Variants in NCAPG2 observed in about 807,000 individuals in gnomAD.
The protein encoded by NCAPG2 is non-SMC condensin II complex subunit G2.
Under a neutral mutation model 141.1 loss-of-function variants are expected in NCAPG2, and 53 were observed. The ratio of observed to expected loss-of-function variants is 0.38; its 90% CI spans 0.30 to 0.47. The LOEUF is 0.47. Ranked by LOEUF, NCAPG2 falls within the 20% of genes least tolerant of loss-of-function variation. The pLI, the probability that NCAPG2 is intolerant of heterozygous loss-of-function variation, is 0.99. For missense variants in NCAPG2, 1,087 were observed against 1,389.0 expected, an observed-to-expected ratio of 0.78 and a Z score of 3.46; for synonymous variants, 499 against 490.7, an observed-to-expected ratio of 1.02 and a Z score of -0.22.
chr7:158,667,431 G>A (rs1330750875), intron 13 of NCAPG2, among the ~76,000 whole-genome samples: 4 of 57,936 alleles, frequency 6.9e-5, no homozygotes, highest in African/African-American at 1.3e-4. Flanking sequence ...GGGTCCCTCC[G>A]CCCTCCTTAC....
At chr7:158,700,553 A>G (rs1203280770) in intron 2 of NCAPG2, among the ~76,000 whole-genome samples, 1 of 152,274 alleles carries the variant, frequency 6.6e-6, no homozygotes, top group Non-Finnish European at 1.5e-5. Flanking sequence ...CTACTGCTAA[A>G]GCAGACATTT....
At chr7:158,688,766 T>C (rs953225496) in intron 6 of NCAPG2, among the ~76,000 whole-genome samples, 18 of 152,232 alleles carry the variant, frequency 1.2e-4, no homozygotes, top group Non-Finnish European at 1.5e-5. Flanking sequence ...ACAAAGACCC[T>C]GGGAGCCAAA....
chr7:158,649,323 G>T (rs768118070), intron 24 of NCAPG2, among the ~76,000 whole-genome samples: 4 of 152,144 alleles, frequency 2.6e-5, no homozygotes, highest in Non-Finnish European at 4.4e-5. Flanking sequence ...TTTCTGTAAA[G>T]TAACAAAATA....
intron 27 of NCAPG2, among the ~76,000 whole-genome samples, chr7:158,637,302 G>A (rs1830288798): frequency 6.6e-6 from 1 of 152,158 alleles, no homozygotes. Context: ...TTAGAATAAA[G>A]TACATAATTG....
chr7:158,703,637 G>A (rs1337474373), intron 1 of NCAPG2: 1 of 152,222 alleles, frequency 6.6e-6, no homozygotes, highest in African/African-American at 2.4e-5. Context: ...TTCAAGGTAA[G>A]GAGTCATCTC....
rs1283522555 is a variant in NCAPG2 at position 158,690,500 on chromosome 7, A to G, written c.537+68T>C. 8 of 1,480,538 alleles carry G rather than the reference A, an allele frequency of 5.4e-6. No individual in the cohort carries two copies. In the African/African-American group the frequency reaches 1.1e-4, roughly 21 times the overall value. 91.7% of individuals were successfully genotyped at this position (1,480,538 alleles called of 1,614,324 possible). ...TTTGAGGCTGCAGTGAGCTATGATC[A>G]TGCCACTGCACTCCATCTGGGCAAT... On this transcript the variant is annotated intron_variant, in intron 5 of 27. Transcript: ENST00000356309.
At chr7:158,637,101 C>A (rs1830265925) in intron 27 of NCAPG2, among the ~76,000 whole-genome samples, 2 of 152,100 alleles carry the variant, frequency 1.3e-5, no homozygotes, top group Non-Finnish European at 2.9e-5. Flanking sequence ...GCGCCCGCCA[C>A]CATGCCCGGC....
intron 11 of NCAPG2, among the ~76,000 whole-genome samples, chr7:158,676,095 G>T (rs1325548491): frequency 6.6e-6 from 1 of 152,160 alleles, no homozygotes; most frequent in East Asian, 1.9e-4. Flanking sequence ...TTCAAAAACA[G>T]ACAATGAGGC....
At chr7:158,664,037 A>T in intron 15 of NCAPG2, 147 bp downstream of exon 15, 1 of 677,558 alleles carries the variant, frequency 1.5e-6, no homozygotes, top group Non-Finnish European at 2.5e-6. Flanking sequence ...ATTCTTTCAC[A>T]AATGTTATTT....
intron 15 of NCAPG2, 54 bp downstream of exon 15, chr7:158,664,130 T>C (rs1386439049): frequency 1.4e-5 from 19 of 1,321,244 alleles, no homozygotes; most frequent in Admixed American, 5.1e-5. Flanking sequence ...TAATGGCCCA[T>C]GGGAGTGATG....
rs58526431 is a variant in NCAPG2, at chr7:158,689,977, A to G, written c.538-24T>C. The G allele has an allele frequency of 7.4e-4, 1,100 of 1,484,592 alleles. 7 individuals carry two copies. The African/African-American group carries it at 0.014, about 18-fold the overall frequency. 92.0% of individuals were successfully genotyped at this position (1,484,592 alleles called of 1,614,324 possible). On this transcript the variant is annotated intron_variant, in intron 5 of 27. Transcript: ENST00000356309. ...CCCTAGGAATGACACAAAAAATGTG[A>G]TACCTTTTTCAATGAACAGTAAAGT...
chr7:158,666,687 G>A, intron 13 of NCAPG2, among the ~76,000 whole-genome samples: 1 of 151,856 alleles, frequency 6.6e-6, no homozygotes, highest in East Asian at 1.9e-4. Context: ...AGCAACTCAG[G>A]AGACCAAGGC....
intron 12 of NCAPG2, among the ~76,000 whole-genome samples, chr7:158,672,316 ATATATATATATATTTTTTTTTTT>A: frequency 2.8e-5 from 1 of 35,754 alleles, no homozygotes. Context: ...ATATATATAT[ATATATATATATATTTTTTTTTTT>A]TTTTTTTTTT....
At position 158,655,364 on chromosome 7, in the gene NCAPG2, C is replaced by A. The variant is rs774264384; in HGVS notation, c.2480G>T (p.Arg827Leu). The stretch of plus-strand genomic sequence containing the variant: ...CTTGTGCTGAAGATGGATGCTCAGG[C>A]GACAGTGGAGACCAAAGGCTCGCGG... ...AAPRAFGLHC[R>L]LSIHLQHKFC... The change falls in exon 20 of 28, where the codon CGC (arginine) becomes CTC (leucine). Residue 827 changes from arginine to leucine, a missense_variant. Transcript: ENST00000356309. 6.2e-7 allele frequency: 1 copy of A among 1,614,164 alleles called. No homozygotes were observed. Among genetic ancestry groups the A allele is most frequent in the Non-Finnish European group, 8.5e-7 (1 of 1,180,032 alleles).
intron 8 of NCAPG2, among the ~76,000 whole-genome samples, chr7:158,684,203 A>G (rs770962797): frequency 1.3e-5 from 2 of 152,262 alleles, no homozygotes; most frequent in African/African-American, 2.4e-5. Flanking sequence ...TTGCAATGAA[A>G]GATGAGATAC....
intron 24 of NCAPG2, among the ~76,000 whole-genome samples, chr7:158,648,906 G>A (rs1259631031): frequency 1.6e-5 from 2 of 128,458 alleles, no homozygotes; most frequent in African/African-American, 3.2e-5. Flanking sequence ...CTATAACCAC[G>A]CCAAATGGAC....
chr7:158,682,021 A>G (rs1226906651), intron 9 of NCAPG2, among the ~76,000 whole-genome samples: 1 of 152,206 alleles, frequency 6.6e-6, no homozygotes, highest in East Asian at 1.9e-4. Flanking sequence ...AAAAACAATT[A>G]CTTGGAGTTG....
intron 6 of NCAPG2, among the ~76,000 whole-genome samples, chr7:158,687,807 G>A (rs1834867655): frequency 6.6e-6 from 1 of 152,190 alleles, no homozygotes; most frequent in South Asian, 2.1e-4. Context: ...TAGCATAGGT[G>A]GGTGGGAATG....
At chr7:158,657,803 T>C (rs1293952596) in intron 17 of NCAPG2, among the ~76,000 whole-genome samples, 1 of 152,172 alleles carries the variant, frequency 6.6e-6, no homozygotes, top group Non-Finnish European at 1.5e-5. Context: ...TTTTGTCCTG[T>C]ACTAAGAAAA....
Sources: allele counts gnomAD v4.1 joint callset (sites outside exome capture counted in the v4.1 genomes callset), GRCh38; gene constraint gnomAD v4.1.1; transcripts MANE v1.5; gene names NCBI Gene and HGNC (gene_info 2026-07-23, HGNC 2026-07-21).